Variants in GRAMD1B observed in about 807,000 individuals in gnomAD.
GRAMD1B encodes the protein protein Aster-B.
In GRAMD1B, 37 loss-of-function variants were observed where a neutral mutation model predicts 99.7. The observed-to-expected ratio is 0.37, with a 90% confidence interval of 0.29 to 0.49. The LOEUF is 0.49. Ranked by LOEUF, GRAMD1B falls within the 20% of genes least tolerant of loss-of-function variation. GRAMD1B has a pLI of 0.98. For synonymous variants in GRAMD1B, 427 were observed against 387.6 expected (o/e 1.10, Z -1.19); for missense variants, 888 against 1,009.2 (o/e 0.88, Z 1.63).
intron 2 of GRAMD1B, among the ~76,000 whole-genome samples, chr11:123,513,570 TTCCTTCCTTTCCTTCCTTCCTTCC>T (rs1941288835): frequency 1.0e-5 from 1 of 95,882 alleles, no homozygotes; most frequent in Admixed American, 1.0e-4. Flanking sequence ...CCTTCCTTCC[TTCCTTCCTTTCCTTCCTTCCTTCC>T]TTCCTTCCTT....
At chr11:123,540,957 T>TTTTTC (rs201446605) in intron 2 of GRAMD1B, among the ~76,000 whole-genome samples, 9 of 152,050 alleles carry the variant, frequency 5.9e-5, no homozygotes, top group African/African-American at 1.4e-4. Context: ...ATGACTAGCA[T>TTTTTC]TTTTCTTTTC....
chr11:123,493,128 G>A (rs920781429), intron 2 of GRAMD1B, among the ~76,000 whole-genome samples: 10 of 152,176 alleles, frequency 6.6e-5, no homozygotes, highest in South Asian at 2.1e-4. Flanking sequence ...TAATGGCTGC[G>A]GGGAACTCAG....
chr11:123,542,780 G>A (rs1944663154), intron 2 of GRAMD1B, among the ~76,000 whole-genome samples: 1 of 152,124 alleles, frequency 6.6e-6, no homozygotes, highest in Admixed American at 6.5e-5. Flanking sequence ...AGCCTCCCGA[G>A]TAGCTGGGAT....
intron 2 of GRAMD1B, among the ~76,000 whole-genome samples, chr11:123,563,560 G>C (rs2136042357): frequency 6.7e-6 from 1 of 149,828 alleles, no homozygotes; most frequent in East Asian, 2.0e-4. Context: ...CACCCATGCT[G>C]GAGTGCAGTG....
chr11:123,512,569 T>C (rs944277715), intron 2 of GRAMD1B, among the ~76,000 whole-genome samples: 2 of 152,120 alleles, frequency 1.3e-5, no homozygotes, highest in Non-Finnish European at 1.5e-5. Flanking sequence ...AATGAAAAAT[T>C]AGCCAGGGGT....
chr11:123,433,679 C>T (rs202135496), intron 1 of GRAMD1B, among the ~76,000 whole-genome samples: 15 of 142,980 alleles, frequency 1.0e-4, no homozygotes, highest in South Asian at 4.7e-4. Context: ...ATGTTACGTG[C>T]GTGTGTGTGT....
At chr11:123,360,967 C>T (rs1946128661) in intron 1 of GRAMD1B, among the ~76,000 whole-genome samples, 1 of 152,090 alleles carries the variant, frequency 6.6e-6, no homozygotes, top group South Asian at 2.1e-4. Context: ...CAGGCGCCCA[C>T]CACCATGCTC....
chr11:123,403,448 G>GATGATAATGATAATA (rs1251720908), intron 1 of GRAMD1B, among the ~76,000 whole-genome samples: 2 of 139,178 alleles, frequency 1.4e-5, no homozygotes, highest in African/African-American at 5.4e-5. Context: ...TGATGATGAT[G>GATGATAATGATAATA]ATAATAATAA....
intron 2 of GRAMD1B, among the ~76,000 whole-genome samples, chr11:123,571,543 C>T (rs1948093927): frequency 6.6e-6 from 1 of 152,076 alleles, no homozygotes; most frequent in South Asian, 2.1e-4. Flanking sequence ...AGCAAGGTAA[C>T]CAGGGGAGGA....
intron 1 of GRAMD1B, among the ~76,000 whole-genome samples, chr11:123,370,264 C>T (rs1206341716): frequency 1.3e-5 from 2 of 150,058 alleles, no homozygotes; most frequent in Admixed American, 6.6e-5. Flanking sequence ...TGCACTGAGC[C>T]GAGATTGCGC....
chr11:123,434,243 A>C (rs1949055081), intron 1 of GRAMD1B, among the ~76,000 whole-genome samples: 1 of 150,928 alleles, frequency 6.6e-6, no homozygotes, highest in Non-Finnish European at 1.5e-5. Flanking sequence ...AAAAAAAAAA[A>C]AAAAAAAAAA....
At chr11:123,617,073 C>T (rs531280475) in intron 17 of GRAMD1B, among the ~76,000 whole-genome samples, 4 of 152,310 alleles carry the variant, frequency 2.6e-5, no homozygotes, top group Admixed American at 1.3e-4. Flanking sequence ...ACCACTTGCA[C>T]AGGCATAAGC....
chr11:123,553,938 G>A (rs1422599179), intron 2 of GRAMD1B, among the ~76,000 whole-genome samples: 2 of 152,154 alleles, frequency 1.3e-5, no homozygotes, highest in African/African-American at 4.8e-5. Flanking sequence ...ACTTTGGTCA[G>A]ATGTTGACCT....
chr11:123,406,259 C>CTT (rs766355496), intron 1 of GRAMD1B, among the ~76,000 whole-genome samples: 3,248 of 124,002 alleles, frequency 0.026, 39 homozygotes, highest in Middle Eastern at 0.1. Flanking sequence ...CCCATTGTTG[C>CTT]TTTTTTTTTT....
At chr11:123,441,708 A>G (rs1344083311) in intron 1 of GRAMD1B, among the ~76,000 whole-genome samples, 1 of 152,116 alleles carries the variant, frequency 6.6e-6, no homozygotes, top group African/African-American at 2.4e-5. Context: ...AAGTGGGAAG[A>G]TTACTTGAGC....
chr11:123,400,508 G>A (rs1486998226), intron 1 of GRAMD1B, among the ~76,000 whole-genome samples: 1 of 152,124 alleles, frequency 6.6e-6, no homozygotes, highest in Non-Finnish European at 1.5e-5. Context: ...ATATAGAAAT[G>A]TATTTCTCAT....
rs531011830 is a variant in GRAMD1B at position 123,520,686 on chromosome 11, G to A, written c.452+39793G>A. Reference sequence around the variant, plus strand: ...CCCAGCTATTCAGGAAGCTGAGGTGGGTGAATCACTGGAGCCCAGGAGGTG... The same window carrying A: ...CCCAGCTATTCAGGAAGCTGAGGTGAGTGAATCACTGGAGCCCAGGAGGTG... On this transcript the variant is annotated intron_variant, in intron 2 of 19. Transcript: ENST00000635736. Among the ~76,000 whole-genome samples the A allele has an allele frequency of 1.1e-4, 16 of 151,304 alleles. No individual in the cohort carries two copies. In the South Asian group the frequency reaches 1.9e-3, roughly 18 times the overall value.
intron 2 of GRAMD1B, among the ~76,000 whole-genome samples, chr11:123,486,917 A>G (rs943601790): frequency 6.6e-6 from 1 of 152,024 alleles, no homozygotes; most frequent in African/African-American, 2.4e-5. Context: ...AAAAATACAA[A>G]GATTAGCTGG....
intron 2 of GRAMD1B, among the ~76,000 whole-genome samples, chr11:123,557,977 CTTTTTTTTTT>C (rs532091098): frequency 6.0e-5 from 6 of 99,940 alleles, no homozygotes; most frequent in Non-Finnish European, 1.2e-4. Flanking sequence ...TTCAGTGCAA[CTTTTTTTTTT>C]TTTTTTTTTT....
Sources: allele counts gnomAD v4.1 joint callset (sites outside exome capture counted in the v4.1 genomes callset), GRCh38; gene constraint gnomAD v4.1.1; transcripts MANE v1.5; gene names NCBI Gene and HGNC (gene_info 2026-07-23, HGNC 2026-07-21).